Variants in PCDH9 observed in about 807,000 individuals in gnomAD.
The protein encoded by PCDH9 is protocadherin 9.
A neutral mutation model predicts 70.6 loss-of-function variants in PCDH9; 24 were observed. The ratio of observed to expected loss-of-function variants is 0.34; its 90% CI spans 0.25 to 0.48. The LOEUF (loss-of-function observed/expected upper bound fraction) is 0.48, where lower values mean the gene tolerates loss of function less well. Ranked by LOEUF, PCDH9 falls within the 20% of genes least tolerant of loss-of-function variation. The pLI, the probability that PCDH9 is intolerant of heterozygous loss-of-function variation, is 0.99. For missense variants in PCDH9, 1,281 were observed against 1,503.6 expected (o/e 0.85, Z 2.45); for synonymous variants, 562 against 558.5 (o/e 1.01, Z -0.09).
chr13:67,192,012 A>G (rs1240427374), intron 2 of PCDH9, among the ~76,000 whole-genome samples: 3 of 152,136 alleles, frequency 2.0e-5, no homozygotes, highest in African/African-American at 7.2e-5. Flanking sequence ...TCAGAAAAAA[A>G]AAAACATGTT....
At chr13:67,012,093 T>C (rs2139842418) in intron 2 of PCDH9, among the ~76,000 whole-genome samples, 1 of 152,014 alleles carries the variant, frequency 6.6e-6, no homozygotes, top group South Asian at 2.1e-4. Context: ...CCTTCCTTTC[T>C]TCCTTTTTCT....
intron 2 of PCDH9, among the ~76,000 whole-genome samples, chr13:67,179,304 G>A (rs2088553996): frequency 6.6e-6 from 1 of 152,038 alleles, no homozygotes. Context: ...GTTCCATGTA[G>A]AAATTTTATT....
intron 4 of PCDH9, among the ~76,000 whole-genome samples, chr13:66,599,743 G>A (rs1218672098): frequency 2.0e-5 from 3 of 151,556 alleles, no homozygotes; most frequent in Non-Finnish European, 4.4e-5. Flanking sequence ...GCCTGCCTCA[G>A]CTTCAAAAAG....
chr13:66,637,811 G>A (rs1450770046), intron 3 of PCDH9, among the ~76,000 whole-genome samples: 1 of 151,868 alleles, frequency 6.6e-6, no homozygotes, highest in Non-Finnish European at 1.5e-5. Flanking sequence ...CTACTTGGGA[G>A]GCTTAAGCAG....
intron 3 of PCDH9, among the ~76,000 whole-genome samples, chr13:66,855,422 A>T (rs1299215823): frequency 6.6e-6 from 1 of 152,092 alleles, no homozygotes; most frequent in African/African-American, 2.4e-5. Context: ...GTGCTGACAA[A>T]GTACAAATCT....
chr13:66,825,580 C>T (rs1469698023), intron 3 of PCDH9, among the ~76,000 whole-genome samples: 1 of 151,808 alleles, frequency 6.6e-6, no homozygotes, highest in African/African-American at 2.4e-5. Context: ...CGTGATCCGC[C>T]CGTCTCGGCC....
chr13:67,017,090 C>T (rs890658231), intron 2 of PCDH9, among the ~76,000 whole-genome samples: 2 of 152,150 alleles, frequency 1.3e-5, no homozygotes, highest in Non-Finnish European at 2.9e-5. Flanking sequence ...AAAGAAGTTG[C>T]TGATACATCG....
chr13:66,340,815 T>A (rs1956112251), intron 4 of PCDH9, among the ~76,000 whole-genome samples: 1 of 152,208 alleles, frequency 6.6e-6, no homozygotes, highest in Non-Finnish European at 1.5e-5. Context: ...AACAGACATT[T>A]CTTTCTTTTA....
chr13:66,744,400 T>A (rs956565128), intron 3 of PCDH9, among the ~76,000 whole-genome samples: 3 of 152,156 alleles, frequency 2.0e-5, no homozygotes, highest in African/African-American at 7.2e-5. Context: ...AGGTTATCAG[T>A]GTTATCAGTG....
intron 4 of PCDH9, among the ~76,000 whole-genome samples, chr13:66,558,635 C>T (rs900049577): frequency 4.6e-5 from 7 of 151,900 alleles, no homozygotes; most frequent in Non-Finnish European, 8.8e-5. Flanking sequence ...CCCTAGTACA[C>T]AGTCAGTTCC....
chr13:66,856,088 T>A (rs1224028527), intron 3 of PCDH9, among the ~76,000 whole-genome samples: 1 of 151,998 alleles, frequency 6.6e-6, no homozygotes, highest in Non-Finnish European at 1.5e-5. Flanking sequence ...ATCTTCAGAT[T>A]TTCTTTATTC....
intron 3 of PCDH9, among the ~76,000 whole-genome samples, chr13:66,710,196 T>A (rs1289585134): frequency 6.6e-6 from 1 of 152,150 alleles, no homozygotes; most frequent in African/African-American, 2.4e-5. Flanking sequence ...TTTATTTTTC[T>A]TACTGAAAAT....
chr13:67,164,574 CAAA>C (rs56207174), intron 2 of PCDH9, among the ~76,000 whole-genome samples: 117,490 of 137,182 alleles, frequency 0.86, 50,660 homozygotes, highest in Non-Finnish European at 0.91. Context: ...ACTCCATCTC[CAAA>C]AAAAAAAAAA....
chr13:67,185,826 G>A (rs554983489), intron 2 of PCDH9, among the ~76,000 whole-genome samples: 6 of 152,202 alleles, frequency 3.9e-5, no homozygotes, highest in South Asian at 2.1e-4. Flanking sequence ...TCCGCCTCCC[G>A]GATTCAAGCA....
At chr13:66,843,936 C>T (rs1383740754) in intron 3 of PCDH9, among the ~76,000 whole-genome samples, 1 of 152,150 alleles carries the variant, frequency 6.6e-6, no homozygotes, top group East Asian at 1.9e-4. Context: ...ACCAAACTTA[C>T]TTCTGTGGTG....
chr13:66,484,998 A>T lies in PCDH9; in HGVS notation c.3340+146212T>A, dbSNP rs185727331. On this transcript the variant is annotated intron_variant, in intron 4 of 4. Coordinates refer to ENST00000377865, the MANE Select transcript of PCDH9 (RefSeq NM_203487.3). ...GTATTAAAAATAAAATGTACCTGCA[A>T]TTTTTGTTATTTATGTTTTCACAAA... 3.2e-3 allele frequency among the ~76,000 whole-genome samples: 482 copies of T among 152,286 alleles called. 3 individuals carry two copies. The highest frequency in any genetic ancestry group is 0.011 in the African/African-American group (462 of 41,556).
At position 66,445,459 on chromosome 13, in the gene PCDH9, CAT is replaced by C. The variant is rs1371251502; in HGVS notation, c.3341-140433_3341-140432del. On this transcript the variant is annotated intron_variant, in intron 4 of 4. Transcript: ENST00000377865. ...ATGTAGATGTGTGTATATATATACA[CAT>C]ATATATAATATATATACACATAAAA... is the stretch of plus-strand genomic sequence containing the variant. Among the ~76,000 whole-genome samples, 10 of 142,166 alleles carry C rather than the reference CAT, an allele frequency of 7.0e-5. 1 individual carries two copies. The highest frequency in any genetic ancestry group is 6.5e-4 in the Admixed American group (9 of 13,920). 93.3% of individuals were successfully genotyped at this position (142,166 alleles called of 152,430 possible).
At chr13:66,750,043 T>C (rs1385705498) in intron 3 of PCDH9, among the ~76,000 whole-genome samples, 1 of 152,086 alleles carries the variant, frequency 6.6e-6, no homozygotes, top group Non-Finnish European at 1.5e-5. Context: ...ACTGTTTAGG[T>C]ATAGTGAGAA....
At chr13:66,563,626 A>G (rs1050531037) in intron 4 of PCDH9, among the ~76,000 whole-genome samples, 2 of 152,018 alleles carry the variant, frequency 1.3e-5, no homozygotes, top group African/African-American at 4.8e-5. Flanking sequence ...GGTGTCACAT[A>G]TTGTGCCCCA....
Sources: allele counts gnomAD v4.1 joint callset (sites outside exome capture counted in the v4.1 genomes callset), GRCh38; gene constraint gnomAD v4.1.1; transcripts MANE v1.5; gene names NCBI Gene and HGNC (gene_info 2026-07-23, HGNC 2026-07-21).